The following PGBD2 variants were observed in gnomAD, a reference collection of about 807,000 sequenced individuals.
PGBD2 encodes piggyBac transposable element-derived protein 2.
In PGBD2, 6 loss-of-function variants were observed where a neutral mutation model predicts 8.1. The observed-to-expected ratio is 0.74, with a 90% CI of 0.40 to 1.46. PGBD2 has a LOEUF of 1.46. PGBD2 is among the 40% of genes most tolerant of loss of function. The pLI is 0.02. For synonymous variants in PGBD2, 318 were observed against 272.2 expected, an observed-to-expected ratio of 1.17 and a Z score of -1.66; for missense variants, 802 against 739.0, an observed-to-expected ratio of 1.09 and a Z score of -0.99.
chr1:248,882,356 A>G, the PGBD2 span, among the ~76,000 whole-genome samples: 3 of 152,230 alleles, frequency 2.0e-5, no homozygotes, highest in African/African-American at 7.2e-5. Flanking sequence ...CAGTATACAG[A>G]GATAAGAATT....
upstream of PGBD2, among the ~76,000 whole-genome samples, chr1:248,902,253 A>T (rs1284258124): frequency 2.3e-4 from 35 of 150,986 alleles, no homozygotes; most frequent in Non-Finnish European, 2.9e-5. Context: ...TGGACAACAG[A>T]GCAAGACTCC....
chr1:248,910,434 A>T (rs1661829699), intron 1 of PGBD2, among the ~76,000 whole-genome samples: 1 of 152,208 alleles, frequency 6.6e-6, no homozygotes, highest in African/African-American at 2.4e-5. Context: ...TACTGTTTTC[A>T]CAGTGCAGTG....
At chr1:248,923,111 A>G (rs1057130360), downstream of PGBD2, among the ~76,000 whole-genome samples, 10 of 152,318 alleles carry the variant, frequency 6.6e-5, no homozygotes, top group East Asian at 3.9e-4. Flanking sequence ...TTGGTAGGCT[A>G]TTAATTACAG....
the PGBD2 span, among the ~76,000 whole-genome samples, chr1:248,900,423 G>GCAAGGTTGGTT: frequency 6.6e-6 from 1 of 152,200 alleles, no homozygotes; most frequent in Non-Finnish European, 1.5e-5. Context: ...TCCCCAGGAT[G>GCAAGGTTGGTT]CAAGGTTGGT....
the PGBD2 span, among the ~76,000 whole-genome samples, chr1:248,927,997 T>C: frequency 5.9e-5 from 9 of 152,212 alleles, no homozygotes; most frequent in African/African-American, 2.4e-5. Flanking sequence ...CTGCCTCTTG[T>C]AGCCCCTTCC....
Position 248,917,637 on chromosome 1 carries a change from C to G in PGBD2, c.1053C>G (p.Asp351Glu). The change falls in exon 3 of 3, where the codon GAC becomes GAG. Residue 351 changes from aspartate to glutamate, a missense_variant. Asp to Glu is a conservative substitution (Grantham distance 45, BLOSUM62 2). Transcript: ENST00000329291. ...RGFLPYHIFFDKVFTSVKLMS... is the reference protein window; with the variant it reads ...RGFLPYHIFFEKVFTSVKLMS... ...TTCTGCCATATCACATATTTTTTGA[C>G]AAGGTTTTCACAAGTGTTAAACTGA... 1 of 1,614,090 alleles carries G rather than the reference C, an allele frequency of 6.2e-7. No homozygotes were observed. Among genetic ancestry groups the G allele is most frequent in the South Asian group, 1.1e-5 (1 of 91,072 alleles).
the PGBD2 span, among the ~76,000 whole-genome samples, chr1:248,886,133 C>T: frequency 6.6e-6 from 1 of 152,118 alleles, no homozygotes; most frequent in Non-Finnish European, 1.5e-5. Context: ...CAACTTGCCC[C>T]ATGTCCAAAC....
At position 248,918,536 on chromosome 1, in the gene PGBD2, C is replaced by T; in HGVS notation, c.*173C>T. 2.4e-6 allele frequency: 1 copy of T among 423,646 alleles called. No individual in the cohort carries two copies. The allele number at this position is 423,646 out of a possible 1,614,324, so 26.2% of individuals were successfully genotyped here. ...TCTTTTTTATTGTGTTGTGTTATGCCTACATGTGATATAAATTAATATTTA... is the reference window on the plus strand; with the variant it reads ...TCTTTTTTATTGTGTTGTGTTATGCTTACATGTGATATAAATTAATATTTA... On this transcript the variant is annotated 3_prime_UTR_variant, in exon 3 of 3. Transcript: ENST00000329291.
the PGBD2 span, among the ~76,000 whole-genome samples, chr1:248,898,929 A>C: frequency 1.3e-5 from 2 of 152,230 alleles, no homozygotes; most frequent in Non-Finnish European, 2.9e-5. Flanking sequence ...AAGCAAATGG[A>C]AAACAGAAAA....
chr1:248,903,673 A>G (rs536387786), upstream of PGBD2, among the ~76,000 whole-genome samples: 1 of 152,310 alleles, frequency 6.6e-6, no homozygotes, highest in Non-Finnish European at 1.5e-5. Flanking sequence ...CTAGCCTGAA[A>G]TTATTTGGCA....
intron 1 of PGBD2, among the ~76,000 whole-genome samples, chr1:248,911,609 G>T (rs1467989865): frequency 1.4e-5 from 2 of 146,006 alleles, no homozygotes; most frequent in Admixed American, 6.6e-5. Flanking sequence ...TGTCATCCTG[G>T]CCCGTTCTCA....
At chr1:248,875,879 G>T in the PGBD2 span, among the ~76,000 whole-genome samples, 2 of 152,034 alleles carry the variant, frequency 1.3e-5, no homozygotes, top group African/African-American at 4.8e-5. Flanking sequence ...AATATTTATA[G>T]AAATTTTCTT....
upstream of PGBD2, among the ~76,000 whole-genome samples, chr1:248,905,575 T>C (rs1404787048): frequency 6.6e-6 from 1 of 152,186 alleles, no homozygotes; most frequent in Non-Finnish European, 1.5e-5. Context: ...AGTAAAAATA[T>C]AGGTAGGCAA....
chr1:248,886,186 C>G, the PGBD2 span, among the ~76,000 whole-genome samples: 1 of 152,024 alleles, frequency 6.6e-6, no homozygotes, highest in East Asian at 1.9e-4. Context: ...CTGCTACATG[C>G]TAGGTTTTTT....
the PGBD2 span, among the ~76,000 whole-genome samples, chr1:248,878,266 G>T: frequency 2.6e-4 from 40 of 151,232 alleles, no homozygotes; most frequent in Admixed American, 9.9e-4. Context: ...TGCAAGCTCC[G>T]CCTCCCGAGT....
At chr1:248,891,379 A>AATTTGTG in the PGBD2 span, among the ~76,000 whole-genome samples, 1 of 152,102 alleles carries the variant, frequency 6.6e-6, no homozygotes, top group African/African-American at 2.4e-5. Context: ...TTTTTGAGAA[A>AATTTGTG]ATTTGTGATT....
chr1:248,881,601 C>T, the PGBD2 span, among the ~76,000 whole-genome samples: 85 of 152,328 alleles, frequency 5.6e-4, no homozygotes, highest in Middle Eastern at 6.8e-3. Context: ...ACTAGCTCTT[C>T]TACATCTGGT....
chr1:248,901,739 T>G (rs1016955339), upstream of PGBD2, among the ~76,000 whole-genome samples: 3 of 151,788 alleles, frequency 2.0e-5, no homozygotes, highest in African/African-American at 7.3e-5. Context: ...AACTGACAAA[T>G]GGGATCTAAT....
upstream of PGBD2, among the ~76,000 whole-genome samples, chr1:248,904,322 T>C (rs914919128): frequency 6.6e-6 from 1 of 152,194 alleles, no homozygotes; most frequent in Non-Finnish European, 1.5e-5. Context: ...TCTTCTGCCA[T>C]TCTACCCCAA....
Sources: gnomAD v4.1 joint callset for allele counts (sites outside exome capture counted in the v4.1 genomes callset) on GRCh38, gnomAD v4.1.1 for gene constraint, MANE v1.5 for transcripts, NCBI Gene and HGNC (gene_info 2026-07-23, HGNC 2026-07-21) for gene names.